Variants in LUC7L3 observed in about 807,000 individuals in gnomAD.
LUC7L3 encodes LUC7 like 3 pre-mRNA splicing factor, also known as luc7-like protein 3.
In LUC7L3, 6 loss-of-function variants were observed where a neutral mutation model predicts 66.8. That is an observed-to-expected ratio of 0.09 (90% CI 0.05 to 0.18). The LOEUF (loss-of-function observed/expected upper bound fraction) is 0.18, where lower values mean the gene tolerates loss of function less well. Among genes scored for constraint, LUC7L3 ranks in the 10% least tolerant of loss-of-function variants. The pLI is 1.00. For missense variants in LUC7L3, 341 were observed against 531.1 expected (o/e 0.64, Z 3.52); for synonymous variants, 160 against 174.7 (o/e 0.92, Z 0.66).
chr17:50,737,518 T>A, intron 2 of LUC7L3: 1 of 284,910 alleles, frequency 3.5e-6, no homozygotes, highest in South Asian at 3.3e-5. Context: ...GGGCTGAAAA[T>A]GAGAGAGATT....
chr17:50,719,711 A>G lies in LUC7L3; in HGVS notation c.-22A>G. ...TTGGCGGGTGCCTGGGCTGGTGGGA[A>G]CAGCCGCCCGAAGGAAGCACCATGA... On this transcript the variant is annotated 5_prime_UTR_variant, in exon 1 of 10. Transcript: ENST00000505658. The G allele has an allele frequency of 1.3e-6, 2 of 1,597,766 alleles. No homozygotes were observed. The highest frequency in any genetic ancestry group is 1.7e-6 in the Non-Finnish European group (2 of 1,170,608).
intron 1 of LUC7L3, among the ~76,000 whole-genome samples, chr17:50,729,142 A>G (rs1384597766): frequency 6.6e-6 from 1 of 152,208 alleles, no homozygotes; most frequent in Non-Finnish European, 1.5e-5. Flanking sequence ...CTGATATCAA[A>G]CATTGAGATA....
intron 1 of LUC7L3, 88 bp from the exon 2 acceptor site, chr17:50,736,872 G>C (rs1223009989): frequency 4.3e-5 from 34 of 787,810 alleles, no homozygotes; most frequent in Non-Finnish European, 2.2e-6. Flanking sequence ...CATACCTCAA[G>C]AAATGAGAAA....
intron 1 of LUC7L3, among the ~76,000 whole-genome samples, chr17:50,726,637 T>G (rs1212289324): frequency 6.6e-6 from 1 of 152,198 alleles, no homozygotes; most frequent in East Asian, 1.9e-4. Flanking sequence ...TGCTGGCATT[T>G]GAGACAATTC....
intron 1 of LUC7L3, among the ~76,000 whole-genome samples, chr17:50,721,107 A>G (rs1198531219): frequency 6.7e-6 from 1 of 150,112 alleles, no homozygotes; most frequent in Admixed American, 6.6e-5. Flanking sequence ...TTTTTTTTTT[A>G]ACTACCTGAC....
intron 1 of LUC7L3, among the ~76,000 whole-genome samples, chr17:50,728,806 G>T (rs967263391): frequency 1.3e-5 from 2 of 152,122 alleles, no homozygotes; most frequent in Non-Finnish European, 2.9e-5. Context: ...TGCCTGCCTC[G>T]GCCTCCCAAA....
chr17:50,749,076 G>T, intron 9 of LUC7L3: 1 of 362,220 alleles, frequency 2.8e-6, no homozygotes, highest in Non-Finnish European at 4.9e-6. Flanking sequence ...CAAATGAAAA[G>T]TGGTTTCTCA....
At chr17:50,723,551 T>C (rs1037411923) in intron 1 of LUC7L3, 1 of 153,316 alleles carries the variant, frequency 6.5e-6, no homozygotes, top group Non-Finnish European at 1.5e-5. Context: ...TCTATTAATA[T>C]GTATTTTACT....
chr17:50,744,411 TG>T (rs1187387281), intron 6 of LUC7L3, among the ~76,000 whole-genome samples: 1 of 152,202 alleles, frequency 6.6e-6, no homozygotes, highest in Non-Finnish European at 1.5e-5. Flanking sequence ...TAAGGTAATG[TG>T]GGTGTTGAAC....
At position 50,751,448 on chromosome 17, in the gene LUC7L3, CTT is replaced by C; in HGVS notation, c.*792_*793del. ...ATCTTTACGCTTAACTGTTGTGTAT[CTT>C]TTTTGTTCTTTACAAGAAGTGCAGA... On this transcript the variant is annotated 3_prime_UTR_variant, in exon 10 of 10. Transcript: ENST00000505658. 8.0e-7 allele frequency: 1 copy of C among 1,252,874 alleles called. No homozygotes were observed. The highest frequency in any genetic ancestry group is 1.0e-6 in the Non-Finnish European group (1 of 967,508). 77.6% of individuals were successfully genotyped at this position (1,252,874 alleles called of 1,614,324 possible).
At chr17:50,736,925 G>A in intron 1 of LUC7L3, 35 bp from the exon 2 acceptor site, 1 of 1,417,412 alleles carries the variant, frequency 7.1e-7, no homozygotes, top group Non-Finnish European at 9.9e-7. Context: ...TTAAAACCAA[G>A]CAATTTTTTA....
chr17:50,736,141 A>T (rs1969971826), intron 1 of LUC7L3, among the ~76,000 whole-genome samples: 1 of 152,230 alleles, frequency 6.6e-6, no homozygotes, highest in East Asian at 1.9e-4. Context: ...TGTTTCAAAA[A>T]AATATATAGT....
rs1331709664 is a variant in LUC7L3 at position 50,755,344 on chromosome 17, C to G, written c.*4683C>G. ...GAAATATAAACATATATGTATAGATCTTTCAAAATATATGACGGTATACCC... is the reference window on the plus strand; with the variant it reads ...GAAATATAAACATATATGTATAGATGTTTCAAAATATATGACGGTATACCC... On this transcript the variant is annotated 3_prime_UTR_variant, in exon 10 of 10. Coordinates refer to ENST00000505658, the MANE Select transcript of LUC7L3 (RefSeq NM_016424.5). 6.6e-6 allele frequency: 1 copy of G among 152,116 alleles called. No homozygotes were observed. The highest frequency in any genetic ancestry group is 1.5e-5 in the Non-Finnish European group (1 of 68,026). 9.4% of individuals were successfully genotyped at this position (152,116 alleles called of 1,614,324 possible).
rs1437287841 is a variant in LUC7L3 at position 50,750,689 on chromosome 17, A to AC, written c.*29dup. 6.2e-7 allele frequency: 1 copy of AC among 1,613,940 alleles called. No homozygotes were observed. On this transcript the variant is annotated 3_prime_UTR_variant, in exon 10 of 10. Coordinates refer to ENST00000505658, the MANE Select transcript of LUC7L3 (RefSeq NM_016424.5). ...CTGATCTGATAAGACCTCAGATCAG[A>AC]CAGAGGTAAGTGTATTGTTTCTCAC...
At chr17:50,742,551 G>T (rs1406538486) in intron 5 of LUC7L3, among the ~76,000 whole-genome samples, 1 of 152,108 alleles carries the variant, frequency 6.6e-6, no homozygotes, top group African/African-American at 2.4e-5. Context: ...TAGAGATGGG[G>T]TTTCACCGTG....
chr17:50,727,948 CAA>C (rs5820830), intron 1 of LUC7L3, among the ~76,000 whole-genome samples: 6 of 134,042 alleles, frequency 4.5e-5, no homozygotes, highest in Admixed American at 2.3e-4. Context: ...ACTAAAAATA[CAA>C]AAAAAAAAAA....
intron 1 of LUC7L3, among the ~76,000 whole-genome samples, chr17:50,729,967 A>G (rs1969477177): frequency 6.2e-5 from 8 of 129,636 alleles, no homozygotes; most frequent in African/African-American, 1.5e-4. Context: ...GGGGGTGGGG[A>G]GGTGGGGACA....
chr17:50,740,591 CTG>C (rs2146749418), intron 3 of LUC7L3, among the ~76,000 whole-genome samples: 1 of 152,138 alleles, frequency 6.6e-6, no homozygotes, highest in East Asian at 1.9e-4. Flanking sequence ...ATGAGCCTCA[CTG>C]TGTCGCTCAG....
rs1187968991 is a variant in LUC7L3 at position 50,750,560 on chromosome 17, A to C, written c.1198A>C (p.Ser400Arg). The part of the protein sequence containing the change: ...SVKSGSREKQ[S>R]EDTNTESKES... ...GAAGTCCGGTAGTCGAGAAAAGCAG[A>C]GTGAAGACACAAACACTGAATCGAA... The change falls in exon 10 of 10, where the codon AGT becomes CGT. Residue 400 changes from serine to arginine, a missense_variant. Physicochemically the swap from Ser to Arg is moderately radical, Grantham distance 110. Transcript: ENST00000505658. 6.2e-7 allele frequency: 1 copy of C among 1,614,168 alleles called. No individual in the cohort carries two copies. Among genetic ancestry groups the C allele is most frequent in the Non-Finnish European group, 8.5e-7 (1 of 1,180,006 alleles).
Sources: gnomAD v4.1 joint callset for allele counts (sites outside exome capture counted in the v4.1 genomes callset) on GRCh38, gnomAD v4.1.1 for gene constraint, MANE v1.5 for transcripts, NCBI Gene and HGNC (gene_info 2026-07-23, HGNC 2026-07-21) for gene names.